Variants in RMND1 observed in about 807,000 individuals in gnomAD.
The protein encoded by RMND1 is required for meiotic nuclear division protein 1 homolog.
Under a neutral mutation model 54.0 loss-of-function variants are expected in RMND1, and 41 were observed. The ratio of observed to expected loss-of-function variants is 0.76; its 90% confidence interval spans 0.59 to 0.98. RMND1 has a LOEUF of 0.98. Among genes scored for constraint, RMND1 ranks in the 50% least tolerant of loss-of-function variants. The pLI is 0.00. For synonymous variants in RMND1, 183 were observed against 181.7 expected (o/e 1.01, Z -0.06); for missense variants, 457 against 532.0 (o/e 0.86, Z 1.39).
chr6:151,447,384 A>T (rs191244776), intron 1 of RMND1, among the ~76,000 whole-genome samples: 22 of 152,314 alleles, frequency 1.4e-4, no homozygotes, highest in African/African-American at 4.6e-4. Context: ...CATCACTCTG[A>T]GCGCTTTCTA....
At position 151,406,571 on chromosome 6, in the gene RMND1, C is replaced by T. The variant is rs868186204; in HGVS notation, c.1201-735G>A. On this transcript the variant is annotated intron_variant, in intron 10 of 11. Coordinates refer to ENST00000444024, the MANE Select transcript of RMND1 (RefSeq NM_017909.4). ...GAGATGATGTTAGCCAGGATGGTCT[C>T]GATCTCCTGACCTTGTGATCCGCCC... Among the ~76,000 whole-genome samples the T allele has an allele frequency of 7.9e-5, 12 of 152,032 alleles. No homozygotes were observed. In the South Asian group the frequency reaches 1.2e-3, roughly 16 times the overall value.
intron 5 of RMND1, among the ~76,000 whole-genome samples, chr6:151,429,067 A>G (rs1228091046): frequency 6.6e-6 from 1 of 150,560 alleles, no homozygotes; most frequent in Non-Finnish European, 1.5e-5. Context: ...TTGGGATTGT[A>G]TAAAGCATGT....
At chr6:151,410,219 TA>T (rs1368345778) in intron 10 of RMND1, among the ~76,000 whole-genome samples, 1 of 152,054 alleles carries the variant, frequency 6.6e-6, no homozygotes, top group Non-Finnish European at 1.5e-5. Context: ...CACGCCCAGC[TA>T]ATTTTTTTGT....
intron 2 of RMND1, chr6:151,444,923 C>G (rs1017422285): frequency 2.4e-5 from 4 of 164,468 alleles, no homozygotes; most frequent in African/African-American, 9.6e-5. Context: ...AAAGGCTTAT[C>G]TGTCTGCAGA....
chr6:151,432,301 C>T (rs547810238), intron 4 of RMND1, among the ~76,000 whole-genome samples: 2 of 152,280 alleles, frequency 1.3e-5, no homozygotes, highest in South Asian at 4.1e-4. Context: ...CTAAATTCCT[C>T]ACTCGGAACA....
At chr6:151,447,558 G>A (rs537916787) in intron 1 of RMND1, among the ~76,000 whole-genome samples, 1 of 152,234 alleles carries the variant, frequency 6.6e-6, no homozygotes, top group African/African-American at 2.4e-5. Context: ...CCACTACCTT[G>A]TATTTACTAC....
chr6:151,441,234 G>A (rs1331418669), intron 2 of RMND1, among the ~76,000 whole-genome samples: 1 of 152,094 alleles, frequency 6.6e-6, no homozygotes, highest in African/African-American at 2.4e-5. Context: ...CTGTATTACT[G>A]AAGAAAATTA....
intron 2 of RMND1, among the ~76,000 whole-genome samples, chr6:151,440,146 G>A (rs564188456): frequency 7.9e-5 from 12 of 152,126 alleles, no homozygotes; most frequent in African/African-American, 1.9e-4. Context: ...TAGTAGAGAC[G>A]GTGTTTCTTC....
Position 151,450,366 on chromosome 6 carries a change from G to GC in RMND1, c.-15+1649dup, listed in dbSNP as rs1313383829. On this transcript the variant is annotated intron_variant, in intron 1 of 11. Coordinates refer to ENST00000444024, the MANE Select transcript of RMND1 (RefSeq NM_017909.4). The stretch of plus-strand genomic sequence containing the variant: ...CCATCCGGGAGGGAGGTGGGGGTCA[G>GC]CCCCCGCCAGGCCAGCCACCCCATC... Among the ~76,000 whole-genome samples, 49 of 139,636 alleles carry GC rather than the reference G, an allele frequency of 3.5e-4. 1 individual carries two copies. The highest frequency in any genetic ancestry group is 1.2e-3 in the African/African-American group (42 of 35,424). 91.6% of individuals were successfully genotyped at this position (139,636 alleles called of 152,430 possible).
chr6:151,417,235 C>G (rs78060101), intron 10 of RMND1, 44 bp downstream of exon 10: 2 of 1,572,944 alleles, frequency 1.3e-6, no homozygotes, highest in Non-Finnish European at 1.7e-6. Context: ...AACTTATAGG[C>G]GACAACGTGT....
chr6:151,413,090 ATCT>A (rs1440430198), intron 10 of RMND1, among the ~76,000 whole-genome samples: 1 of 152,194 alleles, frequency 6.6e-6, no homozygotes, highest in Non-Finnish European at 1.5e-5. Flanking sequence ...TGAGGCCTCA[ATCT>A]AATAGCCTGA....
chr6:151,450,466 C>T (rs1243975586), intron 1 of RMND1, among the ~76,000 whole-genome samples: 2 of 120,144 alleles, frequency 1.7e-5, no homozygotes, highest in Non-Finnish European at 3.7e-5. Context: ...GGCCAGCCCC[C>T]GTCCGGGAGG....
At chr6:151,449,706 C>A (rs953109313) in intron 1 of RMND1, among the ~76,000 whole-genome samples, 1 of 152,212 alleles carries the variant, frequency 6.6e-6, no homozygotes, top group Non-Finnish European at 1.5e-5. Flanking sequence ...CGAGCCGAAG[C>A]TGGACTGTAC....
At chr6:151,449,451 A>G (rs1781063478) in intron 1 of RMND1, among the ~76,000 whole-genome samples, 1 of 149,890 alleles carries the variant, frequency 6.7e-6, no homozygotes, top group South Asian at 2.1e-4. Context: ...CTTTGACAGC[A>G]CTCTCCTTTG....
intron 10 of RMND1, among the ~76,000 whole-genome samples, chr6:151,410,334 C>T (rs781408181): frequency 7.9e-5 from 12 of 152,130 alleles, no homozygotes; most frequent in Non-Finnish European, 1.6e-4. Flanking sequence ...GGATTACAGG[C>T]ATGAGCCACC....
At chr6:151,414,746 G>C (rs1160100505) in intron 10 of RMND1, among the ~76,000 whole-genome samples, 1 of 152,102 alleles carries the variant, frequency 6.6e-6, no homozygotes. Context: ...AATCTTAACA[G>C]AGACAAAATA....
At chr6:151,436,897 G>GATA (rs397796012) in intron 2 of RMND1, 3 of 174,662 alleles carry the variant, frequency 1.7e-5, no homozygotes, top group Admixed American at 1.2e-4. Flanking sequence ...TGGATGGAAT[G>GATA]TTTAAGTCTC....
At chr6:151,449,783 C>T (rs938290554) in intron 1 of RMND1, among the ~76,000 whole-genome samples, 6 of 152,216 alleles carry the variant, frequency 3.9e-5, no homozygotes, top group African/African-American at 7.2e-5. Flanking sequence ...CGAGTGCCTG[C>T]GATTACAGGC....
intron 6 of RMND1, among the ~76,000 whole-genome samples, chr6:151,426,197 C>G (rs1780292676): frequency 6.6e-6 from 1 of 152,264 alleles, no homozygotes; most frequent in Admixed American, 6.5e-5. Context: ...TCCTCCCACC[C>G]TGGCCTCCCA....
Sources: allele counts gnomAD v4.1 joint callset (sites outside exome capture counted in the v4.1 genomes callset), GRCh38; gene constraint gnomAD v4.1.1; transcripts MANE v1.5; gene names NCBI Gene and HGNC (gene_info 2026-07-23, HGNC 2026-07-21).